ELMO1: variants seen among roughly 807,000 people sequenced by gnomAD.
ELMO1 encodes the protein engulfment and cell motility protein 1.
Under a neutral mutation model 98.9 loss-of-function variants are expected in ELMO1, and 26 were observed. The observed-to-expected ratio is 0.26, with a 90% CI of 0.19 to 0.36. The LOEUF is 0.36. Among genes scored for constraint, ELMO1 ranks in the 10% least tolerant of loss-of-function variants. ELMO1 has a pLI of 1.00. For synonymous variants in ELMO1, 346 were observed against 346.0 expected, an observed-to-expected ratio of 1.00 and a Z score of 0.00; for missense variants, 627 against 935.2, an observed-to-expected ratio of 0.67 and a Z score of 4.30.
intron 1 of ELMO1, among the ~76,000 whole-genome samples, chr7:37,422,883 C>T (rs1037962102): frequency 1.3e-5 from 2 of 152,226 alleles, no homozygotes; most frequent in African/African-American, 4.8e-5. Context: ...GAGTTCATAA[C>T]AAAAGCTACC....
intron 16 of ELMO1, among the ~76,000 whole-genome samples, chr7:36,943,506 T>C (rs978006156): frequency 2.1e-4 from 32 of 152,318 alleles, no homozygotes; most frequent in African/African-American, 6.7e-4. Context: ...ATTTCATTCA[T>C]AGACAATTTG....
chr7:37,355,769 T>C (rs2717954), intron 1 of ELMO1, among the ~76,000 whole-genome samples: 36,377 of 152,196 alleles, frequency 0.24, 4,663 homozygotes, highest in Middle Eastern at 0.31. Context: ...TGACCAGGAC[T>C]CAACTTGTTC....
intron 19 of ELMO1, among the ~76,000 whole-genome samples, chr7:36,872,153 T>C (rs1214064115): frequency 1.3e-5 from 2 of 152,226 alleles, no homozygotes; most frequent in African/African-American, 4.8e-5. Flanking sequence ...GCTTCTTTTC[T>C]AGGTGGAGGC....
chr7:37,334,206 G>A (rs2131215086), intron 2 of ELMO1, among the ~76,000 whole-genome samples: 2 of 152,264 alleles, frequency 1.3e-5, no homozygotes, highest in South Asian at 4.1e-4. Context: ...TTCTCAACAG[G>A]AGGAGACTCT....
intron 1 of ELMO1, among the ~76,000 whole-genome samples, chr7:37,376,933 A>G (rs1802373342): frequency 6.6e-6 from 1 of 152,242 alleles, no homozygotes; most frequent in South Asian, 2.1e-4. Context: ...GCATCCCTTA[A>G]TAATCCATTA....
intron 1 of ELMO1, among the ~76,000 whole-genome samples, chr7:37,408,243 C>T (rs908378230): frequency 3.3e-5 from 5 of 152,156 alleles, no homozygotes; most frequent in African/African-American, 1.2e-4. Context: ...TAATCACAAC[C>T]GGTTACACAA....
chr7:36,895,054 C>T (rs1805883195), intron 16 of ELMO1, 37 bp from the exon 17 acceptor site: 3 of 1,606,638 alleles, frequency 1.9e-6, no homozygotes, highest in East Asian at 4.5e-5. Context: ...TTCCTGGGGG[C>T]TGACCTTTCC....
intron 13 of ELMO1, among the ~76,000 whole-genome samples, chr7:37,155,503 A>AAATAAAT (rs1788692635): frequency 3.0e-4 from 40 of 131,738 alleles, no homozygotes; most frequent in Non-Finnish European, 5.8e-4. Flanking sequence ...AAAAAAAAAA[A>AAATAAAT]AAAAAGCAGG....
chr7:37,227,496 C>G (rs1191018900), intron 8 of ELMO1, among the ~76,000 whole-genome samples: 1 of 152,154 alleles, frequency 6.6e-6, no homozygotes, highest in African/African-American at 2.4e-5. Context: ...AGCAATTCTC[C>G]TGCCTCAGCC....
At chr7:37,235,241 A>G (rs1794397519) in intron 7 of ELMO1, among the ~76,000 whole-genome samples, 1 of 152,220 alleles carries the variant, frequency 6.6e-6, no homozygotes, top group Non-Finnish European at 1.5e-5. Context: ...GCAAAATAAA[A>G]AAAAGAAGAA....
chr7:37,146,478 A>G (rs1787996459), intron 13 of ELMO1, among the ~76,000 whole-genome samples: 1 of 152,166 alleles, frequency 6.6e-6, no homozygotes, highest in African/African-American at 2.4e-5. Flanking sequence ...AGTGACTCTT[A>G]GTGAAATGAC....
chr7:37,434,415 T>A (rs1295133931), intron 1 of ELMO1, among the ~76,000 whole-genome samples: 1 of 152,214 alleles, frequency 6.6e-6, no homozygotes, highest in Non-Finnish European at 1.5e-5. Context: ...AGTGGTTGCA[T>A]TACCCATGCT....
At chr7:37,042,211 GA>G (rs35969834) in intron 15 of ELMO1, among the ~76,000 whole-genome samples, 12,271 of 93,448 alleles carry the variant, frequency 0.13, 633 homozygotes, top group African/African-American at 0.23. Flanking sequence ...TCTGACTTTT[GA>G]AAAAAAAAAA....
chr7:37,184,484 C>T (rs1285035064), intron 13 of ELMO1, among the ~76,000 whole-genome samples: 1 of 152,200 alleles, frequency 6.6e-6, no homozygotes, highest in Non-Finnish European at 1.5e-5. Flanking sequence ...TGTAATTGCT[C>T]TACACGGTCA....
intron 6 of ELMO1, among the ~76,000 whole-genome samples, chr7:37,256,494 G>C (rs77019490): frequency 6.7e-6 from 1 of 149,822 alleles, no homozygotes; most frequent in Admixed American, 6.7e-5. Context: ...AAGTGTAGGA[G>C]GGAGGGAGGA....
chr7:37,142,867 CTA>C (rs1267582647), intron 13 of ELMO1, among the ~76,000 whole-genome samples: 4 of 152,102 alleles, frequency 2.6e-5, no homozygotes, highest in Non-Finnish European at 5.9e-5. Context: ...TTCCCCAAAG[CTA>C]TATGTTAGTG....
chr7:36,931,370 C>T (rs1284072219), intron 16 of ELMO1, among the ~76,000 whole-genome samples: 1 of 152,176 alleles, frequency 6.6e-6, no homozygotes, highest in African/African-American at 2.4e-5. Context: ...GAAGCTGAGG[C>T]GGGTGGATCA....
chr7:36,973,159 G>A (rs1790124962), intron 16 of ELMO1, among the ~76,000 whole-genome samples: 1 of 152,196 alleles, frequency 6.6e-6, no homozygotes, highest in Admixed American at 6.5e-5. Context: ...AGGCTTAAAT[G>A]TCCACTTGAG....
chr7:37,233,580 T>A (rs1429538917), intron 7 of ELMO1, among the ~76,000 whole-genome samples: 1 of 152,230 alleles, frequency 6.6e-6, no homozygotes, highest in African/African-American at 2.4e-5. Context: ...ATGTAGCATA[T>A]AGACACTCAG....
Sources: allele counts gnomAD v4.1 joint callset (sites outside exome capture counted in the v4.1 genomes callset), GRCh38; gene constraint gnomAD v4.1.1; transcripts MANE v1.5; gene names NCBI Gene and HGNC (gene_info 2026-07-23, HGNC 2026-07-21).